NR1I2: variants seen among roughly 807,000 people sequenced by gnomAD.
NR1I2 encodes orphan nuclear receptor PAR1.
Under a neutral mutation model 43.3 loss-of-function variants are expected in NR1I2, and 42 were observed. The observed-to-expected ratio is 0.97, with a 90% CI of 0.76 to 1.26. The LOEUF is 1.26. Ranked by LOEUF, NR1I2 falls within the 50% of genes most tolerant of loss-of-function variation. NR1I2 has a pLI of 0.00. For synonymous variants in NR1I2, 229 were observed against 215.0 expected (o/e 1.06, Z -0.57); for missense variants, 559 against 566.7 (o/e 0.99, Z 0.14).
At chr3:119,814,957 C>T (rs2055297346) in intron 5 of NR1I2, 22 bp from the exon 6 acceptor site, 2 of 1,613,822 alleles carry the variant, frequency 1.2e-6, no homozygotes, top group African/African-American at 2.7e-5. Flanking sequence ...AGCTGTCCTC[C>T]CCTCCCCATC....
At chr3:119,789,078 T>C (rs896520606) in intron 1 of NR1I2, among the ~76,000 whole-genome samples, 2 of 152,110 alleles carry the variant, frequency 1.3e-5, no homozygotes, top group Non-Finnish European at 2.9e-5. Context: ...TCTTAGATTG[T>C]AAGCACAGGC....
chr3:119,807,305 GAC>G lies in NR1I2; in HGVS notation c.59_60del (p.Thr20ArgfsTer13). ...CCATGCTGACTTTGTACACTGTGAG[GAC>G]ACAGAGTCTGTTCCTGGAAAGCCCA... is the stretch of plus-strand genomic sequence containing the variant. On this transcript the variant is annotated frameshift_variant, in exon 2 of 9. Coordinates refer to ENST00000393716, the MANE Select transcript of NR1I2 (RefSeq NM_003889.4). LOFTEE classifies it high-confidence loss of function. 1 of 1,614,220 alleles carries G rather than the reference GAC, an allele frequency of 6.2e-7. No individual in the cohort carries two copies.
At position 119,807,389 on chromosome 3, in the gene NR1I2, A is replaced by T. The variant is rs2055177097; in HGVS notation, c.139A>T (p.Lys47Ter). The T allele has an allele frequency of 1.2e-6, 2 of 1,614,078 alleles. No individual in the cohort carries two copies. Among genetic ancestry groups the T allele is most frequent in the Non-Finnish European group, 8.5e-7 (1 of 1,180,046 alleles). The change falls in exon 2 of 9, where the codon AAG (lysine) becomes TAG (stop). Residue 47 changes from lysine (K) to a stop codon, truncating the protein, a stop_gained. Coordinates refer to ENST00000393716, the MANE Select transcript of NR1I2 (RefSeq NM_003889.4). LOFTEE classifies it high-confidence loss of function. ...CCAAATCTGCCGTGTATGTGGGGAC[A>T]AGGCCACTGGCTATCACTTCAATGT...
chr3:119,816,536 C>T (rs1178638156), intron 8 of NR1I2, among the ~76,000 whole-genome samples: 2 of 152,118 alleles, frequency 1.3e-5, no homozygotes, highest in African/African-American at 4.8e-5. Context: ...ATGCAACTCC[C>T]GCAGCTGGGT....
rs142454025 is a variant in NR1I2 at position 119,815,091 on chromosome 3, C to T, written c.907C>T (p.Arg303Trp). ...GGAGACTGGAACCTGGGAGTGTGGC[C>T]GGCTGTCCTACTGCTTGGAAGACAC... Residue 303 changes from arginine (R) to tryptophan (W), a missense_variant, in exon 6 of 9, where the codon CGG becomes TGG. Arg to Trp is a moderately radical substitution (Grantham distance 101). Around this residue, in one of 3 missense-constraint regions of NR1I2, gnomAD observed 323 missense variants for 312.2 expected, o/e 1.03. Transcript: ENST00000393716. 1.2e-5 allele frequency: 19 copies of T among 1,613,958 alleles called. No homozygotes were observed. The Middle Eastern group carries it at 8.2e-4, about 70-fold the overall frequency.
chr3:119,792,765 C>A (rs1342685579), intron 1 of NR1I2, among the ~76,000 whole-genome samples: 1 of 152,068 alleles, frequency 6.6e-6, no homozygotes, highest in East Asian at 1.9e-4. Context: ...ATCCCAGCTA[C>A]TCGGGAAGCT....
chr3:119,817,721 AC>A lies in NR1I2; in HGVS notation c.*510del. ...GCTGCTTTGTGGGCTCCAGGCCTGT[AC>A]TCATCGGCAGGCGCATGAGTATCTG... On this transcript the variant is annotated 3_prime_UTR_variant, in exon 9 of 9. Transcript: ENST00000393716. 9.5e-7 allele frequency: 1 copy of A among 1,055,706 alleles called. No homozygotes were observed. Among genetic ancestry groups the A allele is most frequent in the Non-Finnish European group, 1.1e-6 (1 of 871,762 alleles). 65.4% of individuals were successfully genotyped at this position (1,055,706 alleles called of 1,614,324 possible). A position where few individuals can be genotyped will look rare whatever the true frequency, so the allele number is the denominator to read the frequency against.
chr3:119,792,538 C>T, intron 1 of NR1I2: 4 of 991,092 alleles, frequency 4.0e-6, no homozygotes, highest in Non-Finnish European at 4.7e-6. Flanking sequence ...CCGTGCTCCT[C>T]CAGCTGCCCC....
chr3:119,812,573 A>G, intron 4 of NR1I2, 113 bp from the exon 5 acceptor site: 1 of 1,206,756 alleles, frequency 8.3e-7, no homozygotes, highest in Admixed American at 1.7e-5. Flanking sequence ...GCATTTGTGC[A>G]TCCTCTCGAG....
Position 119,817,671 on chromosome 3 carries a change from C to A in NR1I2, c.*459C>A. On this transcript the variant is annotated 3_prime_UTR_variant, in exon 9 of 9. Coordinates refer to ENST00000393716, the MANE Select transcript of NR1I2 (RefSeq NM_003889.4). ...CCTCTAATAGTCCTGTCTCCCACTTCCCACTCGTTCCCCTCCTCTTCCGAG... is the reference window on the plus strand; with the variant it reads ...CCTCTAATAGTCCTGTCTCCCACTTACCACTCGTTCCCCTCCTCTTCCGAG... 1 of 1,116,284 alleles carries A rather than the reference C, an allele frequency of 9.0e-7. No individual in the cohort carries two copies. Among genetic ancestry groups the A allele is most frequent in the South Asian group, 2.3e-5 (1 of 42,638 alleles). 69.1% of individuals were successfully genotyped at this position (1,116,284 alleles called of 1,614,324 possible). A position where few individuals can be genotyped will look rare whatever the true frequency, so the allele number is the denominator to read the frequency against.
intron 1 of NR1I2, among the ~76,000 whole-genome samples, chr3:119,783,563 CA>C (rs2054806768): frequency 6.6e-6 from 1 of 152,058 alleles, no homozygotes; most frequent in Non-Finnish European, 1.5e-5. Flanking sequence ...CAACTTGTTC[CA>C]AAATTATTAT....
intron 1 of NR1I2, among the ~76,000 whole-genome samples, chr3:119,791,259 C>A (rs1356731064): frequency 6.6e-6 from 1 of 152,178 alleles, no homozygotes; most frequent in Admixed American, 6.5e-5. Context: ...GCCTATGGAC[C>A]TTTGCTTGGG....
chr3:119,790,726 G>C lies in NR1I2; in HGVS notation c.-23+8426G>C, dbSNP rs559426682. Reference sequence around the variant, plus strand: ...TTAAATGTGTACTATGTTCTTTATGGTCAAAATAAATAATTTATTCTGTGT... The same window carrying C: ...TTAAATGTGTACTATGTTCTTTATGCTCAAAATAAATAATTTATTCTGTGT... On this transcript the variant is annotated intron_variant, in intron 1 of 8. Transcript: ENST00000393716. 5.3e-5 allele frequency among the ~76,000 whole-genome samples: 8 copies of C among 152,242 alleles called. No homozygotes were observed. In the South Asian group the frequency reaches 1.7e-3, roughly 32 times the overall value.
intron 1 of NR1I2, among the ~76,000 whole-genome samples, chr3:119,799,805 C>T (rs564924835): frequency 1.3e-5 from 2 of 152,084 alleles, no homozygotes; most frequent in Non-Finnish European, 2.9e-5. Flanking sequence ...CATGGTGAAA[C>T]CCCGTCTCTA....
Position 119,812,742 on chromosome 3 carries a change from G to A in NR1I2, c.576G>A (p.Ser192=), listed in dbSNP as rs774420167. 85 of 1,614,110 alleles carry A rather than the reference G, an allele frequency of 5.3e-5. 2 individuals carry two copies. The South Asian group carries it at 8.5e-4, about 16-fold the overall frequency. The change falls in exon 5 of 9, where the codon TCG becomes TCA. Residue 192 remains serine, a synonymous_variant. Transcript: ENST00000393716. ...TGCCAGAGTCTCTGCAGGCCCCATCGAGGGAAGAAGCTGCCAAGTGGAGCC... is the reference window on the plus strand; with the variant it reads ...TGCCAGAGTCTCTGCAGGCCCCATCAAGGGAAGAAGCTGCCAAGTGGAGCC...
chr3:119,806,581 T>G (rs573816830), intron 1 of NR1I2, among the ~76,000 whole-genome samples: 1 of 152,292 alleles, frequency 6.6e-6, no homozygotes, highest in East Asian at 1.9e-4. Flanking sequence ...CCACCATGCT[T>G]AGCTACAGCT....
intron 1 of NR1I2, among the ~76,000 whole-genome samples, chr3:119,806,338 G>A (rs933398460): frequency 1.3e-5 from 2 of 152,144 alleles, no homozygotes; most frequent in Admixed American, 1.3e-4. Context: ...AGGCTAGAGT[G>A]CTCTGGCATG....
rs1553717730 is a variant in NR1I2 at position 119,799,985 on chromosome 3, A to ACAC, written c.-22-7244_-22-7243insCAC. Among the ~76,000 whole-genome samples, 412 of 142,494 alleles carry ACAC rather than the reference A, an allele frequency of 2.9e-3. 5 individuals are homozygous for ACAC. Among genetic ancestry groups the ACAC allele is most frequent in the African/African-American group, 9.8e-3 (376 of 38,450 alleles). The allele number at this position is 142,494 out of a possible 152,430, so 93.5% of individuals were successfully genotyped here. ...CAAAAAACAAACAAACAAACAAACA[A>ACAC]ACACACACACACACACACACACACA... On this transcript the variant is annotated intron_variant, in intron 1 of 8. Coordinates refer to ENST00000393716, the MANE Select transcript of NR1I2 (RefSeq NM_003889.4).
chr3:119,807,208 C>T, intron 1 of NR1I2, 21 bp from the exon 2 acceptor site: 1 of 1,603,434 alleles, frequency 6.2e-7, no homozygotes, highest in Non-Finnish European at 8.5e-7. Flanking sequence ...TTTTCATTCT[C>T]TGTGGTTTTC....
Sources: gnomAD v4.1 joint callset for allele counts (sites outside exome capture counted in the v4.1 genomes callset) on GRCh38, gnomAD v4.1.1 for gene constraint, gnomAD v4.1.1 regional missense constraint, MANE v1.5 for transcripts, NCBI Gene and HGNC (gene_info 2026-07-23, HGNC 2026-07-21) for gene names.